The following CCDC170 variants were observed in gnomAD, a reference collection of about 807,000 sequenced individuals.
The protein encoded by CCDC170 is coiled-coil domain containing 170, also known as coiled-coil domain-containing protein 170.
In CCDC170, 69 loss-of-function variants were observed where a neutral mutation model predicts 72.6. The ratio of observed to expected loss-of-function variants is 0.95; its 90% CI spans 0.78 to 1.16. CCDC170 has a LOEUF of 1.16. CCDC170 is among the 50% of genes most tolerant of loss of function. CCDC170 has a pLI of 0.00. For synonymous variants in CCDC170, 300 were observed against 303.9 expected, an observed-to-expected ratio of 0.99 and a Z score of 0.13; for missense variants, 852 against 832.5, an observed-to-expected ratio of 1.02 and a Z score of -0.29.
intron 5 of CCDC170, among the ~76,000 whole-genome samples, chr6:151,566,744 T>C (rs1409008790): frequency 6.6e-6 from 1 of 152,322 alleles, no homozygotes; most frequent in East Asian, 1.9e-4. Context: ...TGTTCTTTAG[T>C]CATAAGTTTT....
chr6:151,549,185 G>A (rs1044587950), intron 5 of CCDC170, among the ~76,000 whole-genome samples: 9 of 152,116 alleles, frequency 5.9e-5, no homozygotes, highest in East Asian at 1.9e-4. Flanking sequence ...AATTACAGGC[G>A]TGAGCCACCA....
At chr6:151,514,890 T>C (rs934744064) in intron 1 of CCDC170, among the ~76,000 whole-genome samples, 2 of 152,202 alleles carry the variant, frequency 1.3e-5, no homozygotes, top group African/African-American at 4.8e-5. Context: ...AATATTGAAA[T>C]GCCTTCACAT....
Position 151,557,058 on chromosome 6 carries a change from T to C in CCDC170, c.774+8569T>C, listed in dbSNP as rs184820024. Among the ~76,000 whole-genome samples, 17 of 152,292 alleles carry C rather than the reference T, an allele frequency of 1.1e-4. No individual in the cohort carries two copies. The East Asian group carries it at 3.3e-3, about 29-fold the overall frequency. ...TCCATCCATGTTCCTGCAAATTACA[T>C]GATTTCATTTTTTAATGGTTTAATA... is the stretch of plus-strand genomic sequence containing the variant. On this transcript the variant is annotated intron_variant, in intron 5 of 10. Coordinates refer to ENST00000239374, the MANE Select transcript of CCDC170 (RefSeq NM_025059.4).
intron 1 of CCDC170, among the ~76,000 whole-genome samples, chr6:151,514,735 T>C (rs1187744597): frequency 6.6e-6 from 1 of 152,118 alleles, no homozygotes; most frequent in African/African-American, 2.4e-5. Context: ...ATGGATCAGG[T>C]CTGCATTTCA....
chr6:151,561,919 T>A (rs1776040040), intron 5 of CCDC170, among the ~76,000 whole-genome samples: 1 of 152,178 alleles, frequency 6.6e-6, no homozygotes, highest in African/African-American at 2.4e-5. Context: ...ATTTTTAAAA[T>A]TATTTTTAAA....
intron 1 of CCDC170, among the ~76,000 whole-genome samples, chr6:151,518,458 G>T (rs1234270761): frequency 6.6e-6 from 1 of 152,138 alleles, no homozygotes; most frequent in Non-Finnish European, 1.5e-5. Context: ...CCCCAAGAGA[G>T]GGTTCTTGGA....
chr6:151,522,196 A>G (rs1782329564), intron 1 of CCDC170, among the ~76,000 whole-genome samples: 1 of 152,064 alleles, frequency 6.6e-6, no homozygotes, highest in Non-Finnish European at 1.5e-5. Context: ...ATAATACTAT[A>G]GATTCTTGCA....
At chr6:151,522,104 G>A (rs561672406) in intron 1 of CCDC170, among the ~76,000 whole-genome samples, 56 of 151,928 alleles carry the variant, frequency 3.7e-4, no homozygotes, top group African/African-American at 7.5e-4. Context: ...AGGTTGCAGC[G>A]AGCTGAGATT....
intron 5 of CCDC170, among the ~76,000 whole-genome samples, chr6:151,572,649 GTTTT>G (rs1213267537): frequency 0.046 from 1,749 of 37,970 alleles, 91 homozygotes; most frequent in East Asian, 0.27. Flanking sequence ...CCTTCTCTGT[GTTTT>G]TTTTTTTTTT....
chr6:151,615,849 A>G, intron 10 of CCDC170, 170 bp downstream of exon 10: 1 of 599,496 alleles, frequency 1.7e-6, no homozygotes, highest in Non-Finnish European at 2.9e-6. Context: ...TATCGTTCCA[A>G]TGTTAACACA....
chr6:151,499,557 ATACTGTATTTGACTATTCTAGGCACG>A (rs1781962096), intron 1 of CCDC170, among the ~76,000 whole-genome samples: 1 of 124,090 alleles, frequency 8.1e-6, no homozygotes, highest in African/African-American at 3.9e-5. Context: ...AAGTGGAATC[ATACTGTATTTGACTATTCTAGGCACG>A]CTGTATAAGT....
In CCDC170 at chr6:151,550,610, T is replaced by C. The variant is rs191968859; in HGVS notation, c.774+2121T>C. Among the ~76,000 whole-genome samples the C allele has an allele frequency of 1.5e-3, 230 of 152,318 alleles. 1 individual carries two copies. Among genetic ancestry groups the C allele is most frequent in the African/African-American group, 5.4e-3 (224 of 41,562 alleles). ...GTTGTCAATGCCCTCATTGTCAGCT[T>C]GGGCTGCCATAATACAGTACCATAG... On this transcript the variant is annotated intron_variant, in intron 5 of 10. Coordinates refer to ENST00000239374, the MANE Select transcript of CCDC170 (RefSeq NM_025059.4).
intron 5 of CCDC170, among the ~76,000 whole-genome samples, chr6:151,554,638 C>T (rs910707490): frequency 4.0e-5 from 6 of 151,884 alleles, no homozygotes; most frequent in Non-Finnish European, 2.9e-5. Context: ...GTAGAAGAAT[C>T]GCTTGAACCT....
intron 1 of CCDC170, among the ~76,000 whole-genome samples, chr6:151,509,633 T>C (rs1181031098): frequency 6.6e-6 from 1 of 152,176 alleles, no homozygotes; most frequent in African/African-American, 2.4e-5. Context: ...GAAGAATCCA[T>C]TTTCCAAAAA....
chr6:151,532,569 T>C (rs1782505452), intron 1 of CCDC170, among the ~76,000 whole-genome samples: 1 of 149,230 alleles, frequency 6.7e-6, no homozygotes, highest in African/African-American at 2.5e-5. Context: ...ATTACGTCAC[T>C]GCACTCCAGC....
chr6:151,616,451 T>C (rs1776970118), intron 10 of CCDC170, among the ~76,000 whole-genome samples: 1 of 152,120 alleles, frequency 6.6e-6, no homozygotes, highest in Non-Finnish European at 1.5e-5. Flanking sequence ...TAGAGTGGAC[T>C]CTGATCCTAG....
chr6:151,604,522 A>G (rs1704100218), intron 9 of CCDC170, among the ~76,000 whole-genome samples: 1 of 152,188 alleles, frequency 6.6e-6, no homozygotes, highest in Admixed American at 6.5e-5. Context: ...ACACTGTAGG[A>G]TGACTATAGT....
intron 1 of CCDC170, among the ~76,000 whole-genome samples, chr6:151,497,157 A>G (rs1226600641): frequency 6.6e-6 from 1 of 152,226 alleles, no homozygotes; most frequent in African/African-American, 2.4e-5. Context: ...TGGGAGGCAG[A>G]GGTGTGTGGA....
At chr6:151,512,484 AAC>A (rs1714439140) in intron 1 of CCDC170, among the ~76,000 whole-genome samples, 2 of 152,146 alleles carry the variant, frequency 1.3e-5, no homozygotes, top group African/African-American at 4.8e-5. Context: ...TTTTAAAATA[AAC>A]ACATATTTAA....
Sources: gnomAD v4.1 joint callset for allele counts (sites outside exome capture counted in the v4.1 genomes callset) on GRCh38, gnomAD v4.1.1 for gene constraint, MANE v1.5 for transcripts, NCBI Gene and HGNC (gene_info 2026-07-23, HGNC 2026-07-21) for gene names.